The following ESR1 variants were observed in gnomAD, a reference collection of about 807,000 sequenced individuals.
ESR1 encodes estrogen receptor 1.
A neutral mutation model predicts 52.7 loss-of-function variants in ESR1; 12 were observed. The observed-to-expected ratio is 0.23, with a 90% CI of 0.15 to 0.37. The LOEUF is 0.37. ESR1 is among the 10% of genes least tolerant of loss of function. The probability of loss-of-function intolerance (pLI) is 1.00; values close to 1 mark genes in which losing one functional copy is unlikely to be tolerated. For missense variants in ESR1, 584 were observed against 779.7 expected, an observed-to-expected ratio of 0.75 and a Z score of 2.99; for synonymous variants, 305 against 316.8, an observed-to-expected ratio of 0.96 and a Z score of 0.39.
chr6:151,850,008 TTTTG>T (rs1562473836), intron 2 of ESR1, among the ~76,000 whole-genome samples: 118 of 80,310 alleles, frequency 1.5e-3, no homozygotes, highest in Non-Finnish European at 2.5e-3. Context: ...ATATATATAA[TTTTG>T]TATATATATA....
intron 6 of ESR1, among the ~76,000 whole-genome samples, chr6:152,120,402 C>T (rs926948762): frequency 6.6e-6 from 1 of 152,284 alleles, no homozygotes; most frequent in Admixed American, 6.5e-5. Context: ...GAAGATGGGA[C>T]ACTTTAACCA....
At chr6:151,754,018 AG>A (rs1784098751) in intron 2 of ESR1, among the ~76,000 whole-genome samples, 1 of 152,216 alleles carries the variant, frequency 6.6e-6, no homozygotes, top group South Asian at 2.1e-4. Flanking sequence ...CAGAGATTGC[AG>A]GGGATAAAAA....
intron 2 of ESR1, among the ~76,000 whole-genome samples, chr6:151,739,941 T>C (rs1177929630): frequency 6.6e-6 from 1 of 152,204 alleles, no homozygotes; most frequent in Non-Finnish European, 1.5e-5. Context: ...GCAATATTTA[T>C]TGAGAACCAA....
rs867730988 is a variant in ESR1, at chr6:151,940,454, G to A, written c.761-3719G>A. Among the ~76,000 whole-genome samples the A allele has an allele frequency of 1.9e-4, 29 of 152,210 alleles. 1 individual carries two copies. Among genetic ancestry groups the A allele is most frequent in the Admixed American group, 7.8e-4 (12 of 15,290 alleles). ...CATCTCTTTCCTCATCTTTCCAGTCGTATTTTGTTGTTCCAAAGCCAAAAC... is the reference window on the plus strand; with the variant it reads ...CATCTCTTTCCTCATCTTTCCAGTCATATTTTGTTGTTCCAAAGCCAAAAC... On this transcript the variant is annotated intron_variant, in intron 3 of 7. Transcript: ENST00000206249.
rs2128333827 is a variant in ESR1 at position 151,880,709 on chromosome 6, G to A, written c.698G>A (p.Arg233Lys). 1 of 1,613,558 alleles carries A rather than the reference G, an allele frequency of 6.2e-7. No homozygotes were observed. Among genetic ancestry groups the A allele is most frequent in the Non-Finnish European group, 8.5e-7 (1 of 1,179,454 alleles). ...ATNQCTIDKNRRKSCQACRLR... is the reference protein window; with the variant it reads ...ATNQCTIDKNKRKSCQACRLR... ...AACCAGTGCACCATTGATAAAAACAGGAGGAAGAGCTGCCAGGCCTGCCGG... is the reference window on the plus strand; with the variant it reads ...AACCAGTGCACCATTGATAAAAACAAGAGGAAGAGCTGCCAGGCCTGCCGG... The change falls in exon 3 of 8, where the codon AGG (arginine) becomes AAG (lysine). Residue 233 changes from arginine to lysine, a missense_variant. Around this residue, in one of 6 missense-constraint regions of ESR1, gnomAD observed 25 missense variants for 53.0 expected, o/e 0.47. Coordinates refer to ENST00000206249, the MANE Select transcript of ESR1 (RefSeq NM_000125.4).
At chr6:152,093,240 A>G (rs1217549580) in intron 6 of ESR1, among the ~76,000 whole-genome samples, 1 of 150,342 alleles carries the variant, frequency 6.7e-6, no homozygotes, top group Non-Finnish European at 1.5e-5. Context: ...GTGCCACTGC[A>G]CTCCAGCCTG....
chr6:151,789,143 T>C (rs1236791802), intron 2 of ESR1, among the ~76,000 whole-genome samples: 6 of 151,936 alleles, frequency 3.9e-5, no homozygotes, highest in African/African-American at 1.5e-4. Context: ...GAAGTGTTGG[T>C]GAGGATGTGG....
chr6:151,689,552 T>C (rs979572808), upstream of ESR1, among the ~76,000 whole-genome samples: 7 of 152,248 alleles, frequency 4.6e-5, no homozygotes, highest in African/African-American at 1.2e-4. Flanking sequence ...GTTAAGATCA[T>C]TGATTTCAAA....
chr6:151,686,727 A>G (rs1276616336), upstream of ESR1, among the ~76,000 whole-genome samples: 2 of 143,156 alleles, frequency 1.4e-5, no homozygotes, highest in East Asian at 4.4e-4. Flanking sequence ...CAACCAACCA[A>G]CCAACCAGCA....
intron 2 of ESR1, among the ~76,000 whole-genome samples, chr6:151,726,836 C>T (rs1781883063): frequency 6.6e-6 from 1 of 152,090 alleles, no homozygotes; most frequent in Non-Finnish European, 1.5e-5. Context: ...TTCTTCCTAG[C>T]TCCGTAACTT....
intron 4 of ESR1, among the ~76,000 whole-genome samples, chr6:151,960,891 TAG>T (rs1047896029): frequency 5.9e-5 from 9 of 152,134 alleles, no homozygotes; most frequent in Admixed American, 2.0e-4. Context: ...TATCTTGAGG[TAG>T]AGCTGACAGG....
At chr6:151,865,481 G>A (rs1394675472) in intron 2 of ESR1, among the ~76,000 whole-genome samples, 1 of 152,314 alleles carries the variant, frequency 6.6e-6, no homozygotes, top group African/African-American at 2.4e-5. Flanking sequence ...ACCCAGGATC[G>A]CATGGAGCTT....
intron 4 of ESR1, among the ~76,000 whole-genome samples, chr6:151,976,175 C>G (rs2039419697): frequency 6.6e-6 from 1 of 151,950 alleles, no homozygotes; most frequent in African/African-American, 2.4e-5. Context: ...ATAAAAGAAG[C>G]TTTATTCTTT....
At chr6:151,889,822 T>A (rs1405985750) in intron 3 of ESR1, among the ~76,000 whole-genome samples, 4 of 152,186 alleles carry the variant, frequency 2.6e-5, no homozygotes, top group Non-Finnish European at 5.9e-5. Flanking sequence ...TCTTGCTGCA[T>A]CCCACAAATT....
At chr6:151,860,158 A>G (rs1788611323) in intron 2 of ESR1, among the ~76,000 whole-genome samples, 1 of 152,112 alleles carries the variant, frequency 6.6e-6, no homozygotes, top group South Asian at 2.1e-4. Context: ...AAAATTGTAT[A>G]TATTTAAGGT....
intron 2 of ESR1, among the ~76,000 whole-genome samples, chr6:151,782,998 T>G (rs991922747): frequency 6.6e-6 from 1 of 152,220 alleles, no homozygotes; most frequent in Admixed American, 6.5e-5. Flanking sequence ...CACCTTAATG[T>G]TTGTATCTTA....
rs112526103 is a variant in ESR1, at chr6:151,897,685, G to T, written c.760+16914G>T. ...AGCATTTAGGCTATTTAAATTCAAT[G>T]TTAGTATTGAGATGTGAGGTACTAT... is the stretch of plus-strand genomic sequence containing the variant. On this transcript the variant is annotated intron_variant, in intron 3 of 7. Coordinates refer to ENST00000206249, the MANE Select transcript of ESR1 (RefSeq NM_000125.4). 7.5e-3 allele frequency among the ~76,000 whole-genome samples: 1,141 copies of T among 152,250 alleles called. 15 individuals are homozygous for T. Among genetic ancestry groups the T allele is most frequent in the African/African-American group, 0.024 (997 of 41,542 alleles).
intron 7 of ESR1, among the ~76,000 whole-genome samples, chr6:152,095,709 C>G (rs1022778135): frequency 3.3e-5 from 5 of 152,218 alleles, no homozygotes; most frequent in Non-Finnish European, 4.4e-5. Context: ...TCAGATCTCA[C>G]TCCTTGCAGG....
At chr6:152,109,251 C>T (rs930128174) in intron 6 of ESR1, among the ~76,000 whole-genome samples, 5 of 152,124 alleles carry the variant, frequency 3.3e-5, no homozygotes, top group Middle Eastern at 3.2e-3. Flanking sequence ...TGAGATTTGA[C>T]GAGGACACAG....
Sources: allele counts gnomAD v4.1 joint callset (sites outside exome capture counted in the v4.1 genomes callset), GRCh38; gene constraint gnomAD v4.1.1; regional missense constraint gnomAD v4.1.1; transcripts MANE v1.5; gene names NCBI Gene and HGNC (gene_info 2026-07-23, HGNC 2026-07-21).